Variants in ARHGEF38 observed in about 807,000 individuals in gnomAD.
ARHGEF38 encodes Rho guanine nucleotide exchange factor (GEF) 38.
Under a neutral mutation model 79.9 loss-of-function variants are expected in ARHGEF38, and 79 were observed. The observed-to-expected ratio is 0.99, with a 90% CI of 0.82 to 1.19. The LOEUF (loss-of-function observed/expected upper bound fraction) is 1.19. ARHGEF38 is among the 50% of genes most tolerant of loss of function. ARHGEF38 has a pLI of 0.00. For missense variants in ARHGEF38, 962 were observed against 907.2 expected (o/e 1.06, Z -0.78); for synonymous variants, 366 against 328.3 (o/e 1.11, Z -1.24).
intron 9 of ARHGEF38, among the ~76,000 whole-genome samples, chr4:105,658,599 A>G (rs1017381337): frequency 1.3e-5 from 2 of 152,112 alleles, no homozygotes; most frequent in African/African-American, 4.8e-5. Flanking sequence ...GATGAACTAT[A>G]TTCCTTTTGC....
chr4:105,591,314 C>T (rs965551858), intron 2 of ARHGEF38, among the ~76,000 whole-genome samples: 8 of 152,084 alleles, frequency 5.3e-5, no homozygotes, highest in African/African-American at 1.2e-4. Context: ...CTGCAAGCTC[C>T]GCCTCCCGGG....
chr4:105,660,956 C>G (rs144152391), intron 10 of ARHGEF38, among the ~76,000 whole-genome samples: 1 of 152,208 alleles, frequency 6.6e-6, no homozygotes, highest in East Asian at 1.9e-4. Context: ...GTCGTGGCCC[C>G]CTAAAGGAAC....
intron 1 of ARHGEF38, among the ~76,000 whole-genome samples, chr4:105,558,917 GAC>G (rs1430636677): frequency 2.0e-5 from 3 of 150,538 alleles, no homozygotes; most frequent in African/African-American, 7.3e-5. Flanking sequence ...GGAGGGGAGA[GAC>G]AGACAGAAAC....
intron 2 of ARHGEF38, among the ~76,000 whole-genome samples, chr4:105,601,368 C>T (rs1191408375): frequency 1.3e-5 from 2 of 152,142 alleles, no homozygotes; most frequent in East Asian, 1.9e-4. Context: ...CCTTCACCAC[C>T]TCAATCTATC....
chr4:105,620,690 C>T (rs1303005210), intron 3 of ARHGEF38, among the ~76,000 whole-genome samples: 1 of 152,032 alleles, frequency 6.6e-6, no homozygotes. Flanking sequence ...AATATGGTGA[C>T]ATATTTTTTT....
intron 7 of ARHGEF38, among the ~76,000 whole-genome samples, chr4:105,650,002 G>C (rs1254957457): frequency 6.6e-6 from 1 of 152,184 alleles, no homozygotes. Flanking sequence ...AAATGGGATG[G>C]TTGTGAGGAT....
At chr4:105,590,037 CA>C (rs748635748) in intron 2 of ARHGEF38, among the ~76,000 whole-genome samples, 56 of 80,582 alleles carry the variant, frequency 6.9e-4, no homozygotes, top group Admixed American at 7.9e-4. Flanking sequence ...GACTCTGTCT[CA>C]AAAAAAAAAA....
At chr4:105,676,435 C>T (rs1731119176) in intron 13 of ARHGEF38, among the ~76,000 whole-genome samples, 1 of 152,104 alleles carries the variant, frequency 6.6e-6, no homozygotes, top group East Asian at 1.9e-4. Context: ...CTTTTCCTAG[C>T]TGAGTTGTAA....
chr4:105,614,809 G>A (rs1411451592), intron 3 of ARHGEF38, among the ~76,000 whole-genome samples: 3 of 152,114 alleles, frequency 2.0e-5, no homozygotes, highest in Admixed American at 6.6e-5. Context: ...ACAAGATTTG[G>A]TACTGTACCA....
chr4:105,571,324 T>TTTC (rs1726219745), intron 1 of ARHGEF38, among the ~76,000 whole-genome samples: 2 of 296 alleles, frequency 6.8e-3, no homozygotes, highest in South Asian at 0.5. Context: ...TCTTTTTCTT[T>TTTC]TTTTTTTTTT....
intron 1 of ARHGEF38, among the ~76,000 whole-genome samples, chr4:105,561,400 T>TAGAATAGAATAGAATAGAATAGAATAG (rs59437354): frequency 6.6e-5 from 2 of 30,160 alleles, no homozygotes; most frequent in African/African-American, 1.2e-4. Context: ...TAGAGTAGAA[T>TAGAATAGAATAGAATAGAATAGAATAG]AATAGAATAG....
intron 13 of ARHGEF38, among the ~76,000 whole-genome samples, chr4:105,670,585 A>T (rs1399002590): frequency 6.6e-6 from 1 of 152,080 alleles, no homozygotes; most frequent in Non-Finnish European, 1.5e-5. Flanking sequence ...TCCCCTGGTT[A>T]TAACTGACTC....
At chr4:105,594,665 T>C (rs185014393) in intron 2 of ARHGEF38, among the ~76,000 whole-genome samples, 1 of 152,356 alleles carries the variant, frequency 6.6e-6, no homozygotes, top group Admixed American at 6.5e-5. Context: ...TCACCTTGTA[T>C]GAGTGAATCA....
intron 1 of ARHGEF38, among the ~76,000 whole-genome samples, chr4:105,573,161 A>G (rs1726320106): frequency 6.6e-6 from 1 of 152,164 alleles, no homozygotes; most frequent in Non-Finnish European, 1.5e-5. Flanking sequence ...TCAGATATAC[A>G]AATATTTTCT....
At position 105,677,559 on chromosome 4, in the gene ARHGEF38, G is replaced by A. The variant is rs573299317; in HGVS notation, c.2149-193G>A. Among the ~76,000 whole-genome samples the A allele has an allele frequency of 1.1e-4, 16 of 152,206 alleles. No individual in the cohort carries two copies. In the South Asian group the frequency reaches 3.3e-3, roughly 32 times the overall value. ...TTATATTCCTCCTAACAGAATAATA[G>A]GAATACCTATTTCACTCCATTCTCA... is the stretch of plus-strand genomic sequence containing the variant. On this transcript the variant is annotated intron_variant, in intron 13 of 13. Coordinates refer to ENST00000420470, the MANE Select transcript of ARHGEF38 (RefSeq NM_001242729.2).
intron 5 of ARHGEF38, among the ~76,000 whole-genome samples, chr4:105,639,692 T>C (rs1729542277): frequency 6.6e-6 from 1 of 152,062 alleles, no homozygotes; most frequent in Non-Finnish European, 1.5e-5. Context: ...CTATACATAT[T>C]TGTATCTATT....
rs960511665 is a variant in ARHGEF38 at position 105,667,532 on chromosome 4, C to T, written c.1977C>T (p.Asp659=). 3.9e-5 allele frequency: 60 copies of T among 1,536,472 alleles called. 1 individual carries two copies. The highest frequency in any genetic ancestry group is 2.0e-4 in the South Asian group (17 of 84,066). The change falls in exon 13 of 14, where the codon GAC becomes GAT. Residue 659 remains aspartate, a synonymous_variant. Coordinates refer to ENST00000420470, the MANE Select transcript of ARHGEF38 (RefSeq NM_001242729.2). ...QKVDAENRFC[D]DDFENISLFV... ...TGGATGCTGAGAACAGGTTCTGTGA[C>T]GATGATTTTGAGAACATCAGCCTCT...
intron 1 of ARHGEF38, among the ~76,000 whole-genome samples, chr4:105,585,726 C>CTGTTT (rs1727003247): frequency 2.8e-5 from 2 of 71,504 alleles, no homozygotes; most frequent in Non-Finnish European, 4.7e-5. Context: ...CCCTCCGTTG[C>CTGTTT]TTTTTTTTTT....
intron 7 of ARHGEF38, among the ~76,000 whole-genome samples, chr4:105,653,835 T>G (rs767849394): frequency 2.6e-5 from 4 of 152,208 alleles, no homozygotes; most frequent in Non-Finnish European, 5.9e-5. Context: ...TATGTGGAAA[T>G]TAACAACAGC....
Sources: gnomAD v4.1 joint callset for allele counts (sites outside exome capture counted in the v4.1 genomes callset) on GRCh38, gnomAD v4.1.1 for gene constraint, MANE v1.5 for transcripts, NCBI Gene and HGNC (gene_info 2026-07-23, HGNC 2026-07-21) for gene names.